Variants in TRIM67 observed in about 807,000 individuals in gnomAD.
TRIM67 encodes the protein tripartite motif containing 67, also known as tripartite motif-containing protein 67.
A neutral mutation model predicts 71.0 loss-of-function variants in TRIM67; 39 were observed. The ratio of observed to expected loss-of-function variants is 0.55; its 90% CI spans 0.43 to 0.72. The LOEUF (loss-of-function observed/expected upper bound fraction) is 0.72, where lower values mean the gene tolerates loss of function less well. TRIM67 is among the 30% of genes least tolerant of loss of function. The pLI, the probability that TRIM67 is intolerant of heterozygous loss-of-function variation, is 0.00. For synonymous variants in TRIM67, 481 were observed against 473.9 expected, an observed-to-expected ratio of 1.01 and a Z score of -0.19; for missense variants, 973 against 1,079.2, an observed-to-expected ratio of 0.90 and a Z score of 1.38.
intron 1 of TRIM67, among the ~76,000 whole-genome samples, chr1:231,167,317 G>GTTTTTT (rs1340006817): frequency 1.5e-5 from 1 of 66,770 alleles, no homozygotes; most frequent in African/African-American, 7.4e-5. Flanking sequence ...TCACTCTAAT[G>GTTTTTT]TCTTTTTTTT....
In TRIM67 at chr1:231,162,906, G is replaced by T; in HGVS notation, c.-64G>T. 1 of 1,559,710 alleles carries T rather than the reference G, an allele frequency of 6.4e-7. No homozygotes were observed. The highest frequency in any genetic ancestry group is 8.6e-7 in the Non-Finnish European group (1 of 1,157,914). On this transcript the variant is annotated 5_prime_UTR_variant, in exon 1 of 10. Coordinates refer to ENST00000366653, the MANE Select transcript of TRIM67 (RefSeq NM_001004342.5). Reference sequence around the variant, plus strand: ...GGGCGCACCGCGCTGGTCCTCCTCCGCCAGTCTCCCGAGCTCCGGCCATTC... The same window carrying T: ...GGGCGCACCGCGCTGGTCCTCCTCCTCCAGTCTCCCGAGCTCCGGCCATTC...
intron 9 of TRIM67, among the ~76,000 whole-genome samples, chr1:231,214,733 C>T (rs1343248005): frequency 2.0e-5 from 3 of 146,660 alleles, no homozygotes; most frequent in African/African-American, 5.1e-5. Context: ...GAGCCGAGAT[C>T]GCACCACTGC....
intron 8 of TRIM67, among the ~76,000 whole-genome samples, chr1:231,213,423 G>A (rs866949569): frequency 1.3e-5 from 2 of 152,152 alleles, no homozygotes; most frequent in Middle Eastern, 3.2e-3. Flanking sequence ...GTTGTTCCCA[G>A]CATCCTATAT....
intron 1 of TRIM67, among the ~76,000 whole-genome samples, chr1:231,178,546 A>G (rs77766234): frequency 0.012 from 1,843 of 152,338 alleles, 25 homozygotes; most frequent in Middle Eastern, 0.041. Context: ...AAACAATCTT[A>G]GTGACGGTGT....
chr1:231,169,991 C>CTTTTTTTT (rs1342320930), intron 1 of TRIM67, among the ~76,000 whole-genome samples: 2 of 130,248 alleles, frequency 1.5e-5, no homozygotes, highest in East Asian at 2.1e-4. Context: ...TTTTCTTTCT[C>CTTTTTTTT]TCTTTTTTTT....
intron 1 of TRIM67, chr1:231,186,031 T>C (rs933452260): frequency 3.3e-6 from 5 of 1,496,812 alleles, no homozygotes; most frequent in East Asian, 2.5e-5. Flanking sequence ...GTTGCAGATT[T>C]TCCCAGGGAA....
Position 231,200,126 on chromosome 1 carries a change from TAGAGG to T in TRIM67, c.1264-19_1264-15del, listed in dbSNP as rs759243234. On this transcript the variant is annotated splice_polypyrimidine_tract_variant and intron_variant, in intron 3 of 9. Transcript: ENST00000366653. ...TTCTTCCTCTCATGAGACAGTTACTTAGAGGAGTCTTTCCATTGCAGATGGTTTGG... is the reference window on the plus strand; with the variant it reads ...TTCTTCCTCTCATGAGACAGTTACTTAGTCTTTCCATTGCAGATGGTTTGG... The T allele has an allele frequency of 6.4e-7, 1 of 1,562,878 alleles. No individual in the cohort carries two copies. Among genetic ancestry groups the T allele is most frequent in the South Asian group, 1.1e-5 (1 of 90,114 alleles).
chr1:231,195,204 C>A (rs1683335650), intron 1 of TRIM67, among the ~76,000 whole-genome samples: 1 of 152,166 alleles, frequency 6.6e-6, no homozygotes, highest in Non-Finnish European at 1.5e-5. Flanking sequence ...CCAAATGTGA[C>A]CTGTAGGTTA....
At chr1:231,189,792 C>T (rs562607954) in intron 1 of TRIM67, among the ~76,000 whole-genome samples, 1 of 152,202 alleles carries the variant, frequency 6.6e-6, no homozygotes, top group Admixed American at 6.5e-5. Flanking sequence ...GATACCACCT[C>T]TCCTGGGGTT....
chr1:231,163,282 T>C lies in TRIM67; in HGVS notation c.313T>C (p.Tyr105His), dbSNP rs560265804. The C allele has an allele frequency of 2.6e-6, 4 of 1,518,614 alleles. No homozygotes were observed. Among genetic ancestry groups the C allele is most frequent in the East Asian group, 5.4e-5 (2 of 37,298 alleles). 94.1% of individuals were successfully genotyped at this position (1,518,614 alleles called of 1,614,324 possible). A position where few individuals can be genotyped will look rare whatever the true frequency, so the allele number is the denominator to read the frequency against. ...AGACCACGCGGACAAGCTCAGCTTG[T>C]ACAGCGAGACAGACAGCGGCTACGG... is the stretch of plus-strand genomic sequence containing the variant. The part of the protein sequence containing the change: ...GGDHADKLSL[Y>H]SETDSGYGSY... The change falls in exon 1 of 10, where the codon TAC (tyrosine) becomes CAC (histidine). Residue 105 changes from tyrosine to histidine, a missense_variant. Tyr to His is a moderately conservative substitution (Grantham distance 83). Around this residue, in one of 2 missense-constraint regions of TRIM67, gnomAD observed 795 missense variants for 831.3 expected, o/e 0.96. Coordinates refer to ENST00000366653, the MANE Select transcript of TRIM67 (RefSeq NM_001004342.5).
At chr1:231,173,606 G>A (rs183579617) in intron 1 of TRIM67, among the ~76,000 whole-genome samples, 2 of 152,250 alleles carry the variant, frequency 1.3e-5, no homozygotes, top group South Asian at 4.1e-4. Flanking sequence ...GTGTGCTTGG[G>A]GCATAATGAA....
At chr1:231,208,250 T>C (rs185517184) in intron 7 of TRIM67, among the ~76,000 whole-genome samples, 2 of 151,746 alleles carry the variant, frequency 1.3e-5, no homozygotes, top group Non-Finnish European at 2.9e-5. Flanking sequence ...CATGGCTCAC[T>C]GCAAGCTCTG....
In TRIM67 at chr1:231,163,475, A is replaced by C; in HGVS notation, c.506A>C (p.Asp169Ala). ...CAGTGCCACCGCAGCGCATCCCTGG[A>C]CCACCGCGGCCTGCGCGGCTTCCAG... ...CPQCHRSASLDHRGLRGFQRN... is the reference protein window; with the variant it reads ...CPQCHRSASLAHRGLRGFQRN... The change falls in exon 1 of 10, where the codon GAC (aspartate) becomes GCC (alanine). Residue 169 changes from aspartate (D) to alanine (A), a missense_variant. Transcript: ENST00000366653. 1 of 1,531,844 alleles carries C rather than the reference A, an allele frequency of 6.5e-7. No individual in the cohort carries two copies. The highest frequency in any genetic ancestry group is 8.7e-7 in the Non-Finnish European group (1 of 1,145,632). 94.9% of individuals were successfully genotyped at this position (1,531,844 alleles called of 1,614,324 possible).
At chr1:231,198,465 C>A (rs1171814841) in intron 2 of TRIM67, among the ~76,000 whole-genome samples, 4 of 152,194 alleles carry the variant, frequency 2.6e-5, no homozygotes, top group Admixed American at 1.3e-4. Flanking sequence ...CAGCTCACCG[C>A]AACCTCCGCC....
intron 1 of TRIM67, among the ~76,000 whole-genome samples, chr1:231,174,871 A>G (rs1181079744): frequency 6.6e-6 from 1 of 152,206 alleles, no homozygotes; most frequent in African/African-American, 2.4e-5. Context: ...ATGCATAAAT[A>G]AACAAAATAA....
intron 1 of TRIM67, among the ~76,000 whole-genome samples, chr1:231,197,152 G>A (rs962113513): frequency 1.3e-5 from 2 of 152,178 alleles, no homozygotes; most frequent in Admixed American, 6.5e-5. Flanking sequence ...CCAGCTTTGG[G>A]GATGAGAAAG....
intron 4 of TRIM67, 62 bp from the exon 5 acceptor site, chr1:231,201,296 C>G: frequency 1.9e-6 from 3 of 1,539,006 alleles, no homozygotes; most frequent in Non-Finnish European, 2.6e-6. Flanking sequence ...CTCTTCCTCA[C>G]CCCTGGCTGC....
chr1:231,183,717 C>T (rs770507795), intron 1 of TRIM67, among the ~76,000 whole-genome samples: 9 of 152,116 alleles, frequency 5.9e-5, no homozygotes, highest in Non-Finnish European at 1.2e-4. Context: ...ACAGGGAGCA[C>T]GTAGATAGCA....
chr1:231,180,647 A>C (rs1245735694), intron 1 of TRIM67, among the ~76,000 whole-genome samples: 1 of 152,188 alleles, frequency 6.6e-6, no homozygotes, highest in East Asian at 1.9e-4. Context: ...GGAAGAAAAA[A>C]GTCGCATGTG....
Sources: gnomAD v4.1 joint callset for allele counts (sites outside exome capture counted in the v4.1 genomes callset) on GRCh38, gnomAD v4.1.1 for gene constraint, gnomAD v4.1.1 regional missense constraint, MANE v1.5 for transcripts, NCBI Gene and HGNC (gene_info 2026-07-23, HGNC 2026-07-21) for gene names.